CTNNBIP1: variants seen among roughly 807,000 people sequenced by gnomAD.
The protein encoded by CTNNBIP1 is beta-catenin-interacting protein 1.
Under a neutral mutation model 11.8 loss-of-function variants are expected in CTNNBIP1, and 7 were observed. The ratio of observed to expected loss-of-function variants is 0.60; its 90% CI spans 0.34 to 1.12. CTNNBIP1 has a LOEUF of 1.12. Ranked by LOEUF, CTNNBIP1 falls within the 50% of genes most tolerant of loss-of-function variation. CTNNBIP1 has a pLI of 0.03. For synonymous variants in CTNNBIP1, 58 were observed against 43.9 expected, an observed-to-expected ratio of 1.32 and a Z score of -1.26; for missense variants, 101 against 113.4, an observed-to-expected ratio of 0.89 and a Z score of 0.50.
At chr1:9,909,937 G>A (rs1177636556) in intron 1 of CTNNBIP1, among the ~76,000 whole-genome samples, 158 bp downstream of exon 1, 1 of 151,970 alleles carries the variant, frequency 6.6e-6, no homozygotes, top group Non-Finnish European at 1.5e-5. Flanking sequence ...GCCCAGACCA[G>A]GGCGCCGCGC....
intron 5 of CTNNBIP1, among the ~76,000 whole-genome samples, chr1:9,853,372 G>A (rs1180670702): frequency 1.3e-5 from 2 of 152,356 alleles, no homozygotes; most frequent in Middle Eastern, 3.4e-3. Context: ...GCCTCTGGCC[G>A]AGGACACTGG....
At chr1:9,904,396 T>A (rs1212878182) in intron 1 of CTNNBIP1, among the ~76,000 whole-genome samples, 1 of 152,202 alleles carries the variant, frequency 6.6e-6, no homozygotes, top group Non-Finnish European at 1.5e-5. Context: ...AGTCCCACTC[T>A]GGATTCCTGG....
At position 9,851,036 on chromosome 1, in the gene CTNNBIP1, AG is replaced by A. The variant is rs1293816798; in HGVS notation, c.188-261del. Among the ~76,000 whole-genome samples the A allele has an allele frequency of 6.6e-6, 1 of 152,196 alleles. No individual in the cohort carries two copies. Among genetic ancestry groups the A allele is most frequent in the Non-Finnish European group, 1.5e-5 (1 of 68,036 alleles). ...CTCAGAGGCTTGCTCAAGGCTACACAGCTGACAGGTGAGCCATGACGAGGCC... is the reference window on the plus strand; with the variant it reads ...CTCAGAGGCTTGCTCAAGGCTACACACTGACAGGTGAGCCATGACGAGGCC... On this transcript the variant is annotated intron_variant, in intron 5 of 5. Transcript: ENST00000377263. The surrounding 1 kb of genome is among the most constrained non-coding windows in gnomAD (Gnocchi z 4.8).
chr1:9,908,097 T>C (rs1051046170), intron 1 of CTNNBIP1, among the ~76,000 whole-genome samples: 2 of 152,164 alleles, frequency 1.3e-5, no homozygotes, highest in Non-Finnish European at 2.9e-5. Flanking sequence ...TTTGCTCTGT[T>C]GCCCAGGCTG....
At chr1:9,894,522 C>CTT (rs913507081) in intron 1 of CTNNBIP1, among the ~76,000 whole-genome samples, 1 of 145,658 alleles carries the variant, frequency 6.9e-6, no homozygotes, top group Non-Finnish European at 1.5e-5. Context: ...CACTCGACTG[C>CTT]TTTTTTTTTT....
At chr1:9,884,875 C>T (rs1477779487) in intron 1 of CTNNBIP1, among the ~76,000 whole-genome samples, 1 of 151,966 alleles carries the variant, frequency 6.6e-6, no homozygotes, top group African/African-American at 2.4e-5. Context: ...TGGACAGAGG[C>T]CCTATGGTGG....
intron 5 of CTNNBIP1, among the ~76,000 whole-genome samples, chr1:9,857,846 A>G (rs1354124833): frequency 1.3e-5 from 2 of 152,146 alleles, no homozygotes; most frequent in African/African-American, 4.8e-5. Flanking sequence ...ACTATGATAA[A>G]CCATTTCACA....
chr1:9,868,686 G>T (rs892512736), intron 5 of CTNNBIP1, among the ~76,000 whole-genome samples: 1 of 152,038 alleles, frequency 6.6e-6, no homozygotes, highest in East Asian at 1.9e-4. Context: ...GGAGTAAAGT[G>T]GTGTGATCTT....
chr1:9,894,693 A>G (rs570248956), intron 1 of CTNNBIP1, among the ~76,000 whole-genome samples: 27 of 151,278 alleles, frequency 1.8e-4, no homozygotes, highest in African/African-American at 5.8e-4. Context: ...ATACCCAGCT[A>G]ATTTTTATAG....
In CTNNBIP1 at chr1:9,849,855, G is replaced by A. The variant is rs946008810; in HGVS notation, c.*863C>T. On this transcript the variant is annotated 3_prime_UTR_variant, in exon 6 of 6. Transcript: ENST00000377263. ...CGCCTAACGGTTACCTCTAGGCCCTGGGCTGCTCGTTCAAGACGACACAAA... is the reference window on the plus strand; with the variant it reads ...CGCCTAACGGTTACCTCTAGGCCCTAGGCTGCTCGTTCAAGACGACACAAA... The A allele has an allele frequency of 1.3e-5, 2 of 152,158 alleles. No individual in the cohort carries two copies. The highest frequency in any genetic ancestry group is 4.8e-5 in the African/African-American group (2 of 41,428). 9.4% of individuals were successfully genotyped at this position (152,158 alleles called of 1,614,324 possible).
At chr1:9,860,041 A>ACTTC (rs1453095483) in intron 5 of CTNNBIP1, among the ~76,000 whole-genome samples, 4 of 152,282 alleles carry the variant, frequency 2.6e-5, no homozygotes, top group African/African-American at 9.6e-5. Flanking sequence ...ACCCCAGGGA[A>ACTTC]CTTCTCCAGA....
At chr1:9,855,972 C>A (rs887263240) in intron 5 of CTNNBIP1, among the ~76,000 whole-genome samples, 6 of 151,818 alleles carry the variant, frequency 4.0e-5, no homozygotes, top group African/African-American at 1.5e-4. Context: ...ATGGTGAAAC[C>A]CCATCTCTAC....
At chr1:9,909,461 G>A (rs1304797607) in intron 1 of CTNNBIP1, among the ~76,000 whole-genome samples, 3 of 152,160 alleles carry the variant, frequency 2.0e-5, no homozygotes, top group Admixed American at 1.3e-4. Context: ...GAGGCTGGGT[G>A]TCCAGACCTG....
At chr1:9,895,256 T>C (rs1639387231) in intron 1 of CTNNBIP1, among the ~76,000 whole-genome samples, 1 of 151,148 alleles carries the variant, frequency 6.6e-6, no homozygotes, top group Non-Finnish European at 1.5e-5. Flanking sequence ...TGGAATGTAA[T>C]GGCACAATTG....
intron 1 of CTNNBIP1, among the ~76,000 whole-genome samples, chr1:9,888,866 G>C (rs912064732): frequency 6.6e-6 from 1 of 152,218 alleles, no homozygotes; most frequent in Non-Finnish European, 1.5e-5. Context: ...TCTGATGAAG[G>C]CCCTTTCGGA....
chr1:9,887,430 A>C (rs1021129658), intron 1 of CTNNBIP1, among the ~76,000 whole-genome samples: 3 of 152,196 alleles, frequency 2.0e-5, no homozygotes, highest in Non-Finnish European at 4.4e-5. Flanking sequence ...TAAAAGAAAA[A>C]TGTGGGCCGG....
At position 9,850,657 on chromosome 1, in the gene CTNNBIP1, C is replaced by G; in HGVS notation, c.*61G>C. On this transcript the variant is annotated 3_prime_UTR_variant, in exon 6 of 6. Coordinates refer to ENST00000377263, the MANE Select transcript of CTNNBIP1 (RefSeq NM_020248.3). ...GGGGGCTGCTGCCACTCAGCCGGCC[C>G]AGGAGCCACACAGATCTCTTGGCCC... 6.5e-7 allele frequency: 1 copy of G among 1,529,550 alleles called. No homozygotes were observed. The highest frequency in any genetic ancestry group is 9.1e-7 in the Non-Finnish European group (1 of 1,103,398). The allele number at this position is 1,529,550 out of a possible 1,614,324, so 94.7% of individuals were successfully genotyped here.
intron 1 of CTNNBIP1, among the ~76,000 whole-genome samples, chr1:9,892,050 C>T (rs1639312407): frequency 6.6e-6 from 1 of 152,112 alleles, no homozygotes; most frequent in Non-Finnish European, 1.5e-5. Flanking sequence ...ATGTGATCTG[C>T]CTACCTCAGC....
Position 9,883,329 on chromosome 1 carries a change from G to A in CTNNBIP1, c.-110+376C>T, listed in dbSNP as rs1395871685. Among the ~76,000 whole-genome samples the A allele has an allele frequency of 1.3e-5, 2 of 152,212 alleles. No homozygotes were observed. Among genetic ancestry groups the A allele is most frequent in the South Asian group, 2.1e-4 (1 of 4,830 alleles). ...ACAGGCAGGACCTCACGAGGCCCAG[G>A]TGCAGGGCAGAGAGGGAGCAAGAAC... On this transcript the variant is annotated intron_variant, in intron 2 of 5. Coordinates refer to ENST00000377263, the MANE Select transcript of CTNNBIP1 (RefSeq NM_020248.3). The surrounding 1 kb of genome is among the most constrained non-coding windows in gnomAD (Gnocchi z 5.6).
Sources: gnomAD v4.1 joint callset for allele counts (sites outside exome capture counted in the v4.1 genomes callset) on GRCh38, gnomAD v4.1.1 for gene constraint, Gnocchi (gnomAD v3.1) non-coding constraint, MANE v1.5 for transcripts, NCBI Gene and HGNC (gene_info 2026-07-23, HGNC 2026-07-21) for gene names.